ESRRG: variants seen among roughly 807,000 people sequenced by gnomAD.
ESRRG encodes estrogen-related receptor gamma.
ESRRG carries 13 observed loss-of-function variants against 44.0 expected under a neutral mutation model. The observed-to-expected ratio is 0.30, with a 90% CI of 0.19 to 0.47. ESRRG has a LOEUF of 0.47. Ranked by LOEUF, ESRRG falls within the 20% of genes least tolerant of loss-of-function variation. The pLI, the probability that ESRRG is intolerant of heterozygous loss-of-function variation, is 1.00. For missense variants in ESRRG, 395 were observed against 580.6 expected (o/e 0.68, Z 3.29); for synonymous variants, 215 against 214.6 (o/e 1.00, Z -0.02).
intron 2 of ESRRG, among the ~76,000 whole-genome samples, chr1:216,846,953 G>A (rs1156007): frequency 0.15 from 23,252 of 151,964 alleles, 1,981 homozygotes; most frequent in African/African-American, 0.21. Flanking sequence ...CAACAGTGCA[G>A]TCACTAAACT....
chr1:216,772,260 TGCAAAATC>T (rs1270662099), intron 2 of ESRRG, among the ~76,000 whole-genome samples: 1 of 152,152 alleles, frequency 6.6e-6, no homozygotes. Flanking sequence ...TACAGCTGGC[TGCAAAATC>T]TGCATGGACT....
In ESRRG at chr1:217,115,306, G is replaced by A. The variant is rs567124286; in HGVS notation, c.-230+22361C>T. 2.6e-5 allele frequency among the ~76,000 whole-genome samples: 4 copies of A among 152,218 alleles called. No homozygotes were observed. The East Asian group carries it at 5.8e-4, about 22-fold the overall frequency. On this transcript the variant is annotated intron_variant, in intron 1 of 8. Transcript: ENST00000366940. Reference sequence around the variant, plus strand: ...AGGACATGCCATGTGGCTCCTATGCGATAAATGTCAGCTGACATGAAAAGA... The same window carrying A: ...AGGACATGCCATGTGGCTCCTATGCAATAAATGTCAGCTGACATGAAAAGA...
At chr1:216,665,662 TA>T (rs1356195921) in intron 2 of ESRRG, among the ~76,000 whole-genome samples, 2 of 152,092 alleles carry the variant, frequency 1.3e-5, no homozygotes, top group Admixed American at 6.5e-5. Context: ...TACTACACAT[TA>T]AAAAAATGGT....
intron 5 of ESRRG, among the ~76,000 whole-genome samples, chr1:216,543,435 G>C (rs2053494687): frequency 6.6e-6 from 1 of 151,964 alleles, no homozygotes; most frequent in Non-Finnish European, 1.5e-5. Flanking sequence ...AGAAATAACT[G>C]CCTTGAACCT....
At chr1:217,076,336 C>A (rs956361040) in intron 1 of ESRRG, among the ~76,000 whole-genome samples, 3 of 152,150 alleles carry the variant, frequency 2.0e-5, no homozygotes, top group Admixed American at 1.3e-4. Context: ...ACTAGACATT[C>A]CTCACTTAGT....
chr1:216,834,306 C>A (rs149385421), intron 2 of ESRRG, among the ~76,000 whole-genome samples: 2 of 152,116 alleles, frequency 1.3e-5, no homozygotes, highest in Admixed American at 6.5e-5. Context: ...CAGGTTGAGG[C>A]GGGAAGATCA....
intron 1 of ESRRG, among the ~76,000 whole-genome samples, chr1:217,066,990 G>A (rs1214548811): frequency 6.6e-6 from 1 of 152,196 alleles, no homozygotes; most frequent in Non-Finnish European, 1.5e-5. Context: ...TTTACTAGAA[G>A]TAAACTGAAA....
chr1:217,043,620 C>T (rs1437509491), intron 1 of ESRRG, among the ~76,000 whole-genome samples: 1 of 148,398 alleles, frequency 6.7e-6, no homozygotes, highest in Non-Finnish European at 1.5e-5. Context: ...TACATTGAGC[C>T]AACTTCTCAG....
chr1:216,900,813 A>T (rs2058981154), intron 2 of ESRRG, among the ~76,000 whole-genome samples: 1 of 152,214 alleles, frequency 6.6e-6, no homozygotes, highest in African/African-American at 2.4e-5. Flanking sequence ...CAAAGTGTAC[A>T]CTGGAGAGAA....
At chr1:216,990,989 G>A (rs955840433) in intron 1 of ESRRG, among the ~76,000 whole-genome samples, 2 of 152,020 alleles carry the variant, frequency 1.3e-5, no homozygotes, top group African/African-American at 4.8e-5. Flanking sequence ...GAAACTGGTT[G>A]CATAGCAGGA....
At chr1:216,670,940 T>C (rs1309817618) in intron 2 of ESRRG, among the ~76,000 whole-genome samples, 1 of 152,194 alleles carries the variant, frequency 6.6e-6, no homozygotes, top group Non-Finnish European at 1.5e-5. Context: ...ATTATGAAGG[T>C]ATAGTTGGTC....
chr1:217,076,009 T>A (rs561215672), intron 1 of ESRRG, among the ~76,000 whole-genome samples: 22 of 152,312 alleles, frequency 1.4e-4, no homozygotes, highest in African/African-American at 5.3e-4. Context: ...TGTACAATGA[T>A]GCATCTATTC....
chr1:216,508,933 T>A (rs992720097), intron 6 of ESRRG, among the ~76,000 whole-genome samples: 1 of 152,126 alleles, frequency 6.6e-6, no homozygotes, highest in African/African-American at 2.4e-5. Context: ...GCTCTCTACA[T>A]GAAAACAGAG....
rs796159395 is a variant in ESRRG at position 216,833,235 on chromosome 1, A to G, written c.-14+106347T>C. 3.4e-4 allele frequency among the ~76,000 whole-genome samples: 51 copies of G among 152,218 alleles called. 1 individual carries two copies. The highest frequency in any genetic ancestry group is 1.2e-3 in the African/African-American group (48 of 41,528). ...CATATTTTCTAAAAAAAAACACCCA[A>G]TGTTACACTTCAAATGTTATAAAAG... is the stretch of plus-strand genomic sequence containing the variant. On this transcript the variant is annotated intron_variant, in intron 2 of 7. Transcript: ENST00000359162.
At chr1:216,721,724 T>A (rs1559404685) in intron 1 of ESRRG, among the ~76,000 whole-genome samples, 1 of 152,214 alleles carries the variant, frequency 6.6e-6, no homozygotes, top group African/African-American at 2.4e-5. Flanking sequence ...AATCTGGGCG[T>A]GCTTGGATAA....
chr1:216,764,575 G>GT (rs1464019569), intron 2 of ESRRG, among the ~76,000 whole-genome samples: 1 of 151,850 alleles, frequency 6.6e-6, no homozygotes, highest in Non-Finnish European at 1.5e-5. Context: ...GGCCCAGGGG[G>GT]GGACTCTTAA....
At chr1:217,096,380 G>A (rs541663205) in intron 1 of ESRRG, among the ~76,000 whole-genome samples, 33 of 152,336 alleles carry the variant, frequency 2.2e-4, no homozygotes, top group Middle Eastern at 6.8e-3. Context: ...CCTGCCAGTT[G>A]CTGAACCAGC....
chr1:216,942,929 AT>A (rs1560203216), intron 1 of ESRRG, among the ~76,000 whole-genome samples: 1 of 152,142 alleles, frequency 6.6e-6, no homozygotes, highest in Non-Finnish European at 1.5e-5. Flanking sequence ...TCAGTTATCA[AT>A]TTTTGTTTTT....
intron 2 of ESRRG, among the ~76,000 whole-genome samples, chr1:216,889,787 T>G (rs2057522696): frequency 6.6e-6 from 1 of 152,210 alleles, no homozygotes; most frequent in African/African-American, 2.4e-5. Context: ...ATAAATCAAG[T>G]GACTTCTAGG....
Sources: allele counts gnomAD v4.1 joint callset (sites outside exome capture counted in the v4.1 genomes callset), GRCh38; gene constraint gnomAD v4.1.1; transcripts MANE v1.5; gene names NCBI Gene and HGNC (gene_info 2026-07-23, HGNC 2026-07-21).